Variants in FSD2 observed in about 807,000 individuals in gnomAD.
FSD2 encodes fibronectin type III and SPRY domain-containing protein 2.
A neutral mutation model predicts 80.4 loss-of-function variants in FSD2; 71 were observed. The observed-to-expected ratio is 0.88, with a 90% CI of 0.73 to 1.08. FSD2 has a LOEUF of 1.08. Ranked by LOEUF, FSD2 falls within the 50% of genes least tolerant of loss-of-function variation. The probability of loss-of-function intolerance (pLI) is 0.00; values close to 1 mark genes in which losing one functional copy is unlikely to be tolerated. For missense variants in FSD2, 923 were observed against 913.8 expected (o/e 1.01, Z -0.13); for synonymous variants, 361 against 329.5 (o/e 1.10, Z -1.03).
intron 1 of FSD2, among the ~76,000 whole-genome samples, chr15:82,793,107 T>C (rs1300291179): frequency 2.0e-5 from 3 of 152,188 alleles, no homozygotes; most frequent in Non-Finnish European, 4.4e-5. Context: ...CTTATTAATT[T>C]TTTTTTGAGA....
chr15:82,778,874 G>A lies in FSD2; in HGVS notation c.1003C>T (p.Leu335=). Residue 335 remains leucine, a synonymous_variant, in exon 6 of 13, where the codon CTG becomes TTG. Transcript: ENST00000334574. The stretch of plus-strand genomic sequence containing the variant: ...ATTTCCACGTCTGTTTTTGTTTTCA[G>A]GAATTTCCCGAGTCTGTTGGTATAA... ...VAMADRLGKF[L]KTKTDVEISA... The A allele has an allele frequency of 6.2e-7, 1 of 1,613,906 alleles. No individual in the cohort carries two copies. The highest frequency in any genetic ancestry group is 8.5e-7 in the Non-Finnish European group (1 of 1,179,870).
intron 1 of FSD2, among the ~76,000 whole-genome samples, chr15:82,794,519 T>G (rs1273164999): frequency 1.3e-5 from 2 of 152,182 alleles, no homozygotes; most frequent in Admixed American, 6.5e-5. Flanking sequence ...TATAGTATTA[T>G]TTAAGTCTTC....
At chr15:82,775,022 GT>G (rs1167991262) in intron 6 of FSD2, among the ~76,000 whole-genome samples, 1 of 151,526 alleles carries the variant, frequency 6.6e-6, no homozygotes, top group Admixed American at 6.6e-5. Flanking sequence ...GCCTGGCCTT[GT>G]TTCTAAATCT....
rs200138383 is a variant in FSD2 at position 82,772,146 on chromosome 15, G to A, written c.1194C>T (p.Ser398=). The change falls in exon 7 of 13, where the codon TCC becomes TCT. Residue 398 remains serine, a synonymous_variant. Coordinates refer to ENST00000334574, the MANE Select transcript of FSD2 (RefSeq NM_001007122.4). ...GCTGATAGCTCTCCACAGTGTCGTC[G>A]GAGTATAAGCTCCAGCACACTCGGA... ...SSVRVCWSLY[S]DDTVESYQLS... The A allele has an allele frequency of 1.1e-5, 17 of 1,611,126 alleles. No individual in the cohort carries two copies. The highest frequency in any genetic ancestry group is 6.7e-5 in the East Asian group (3 of 44,780).
chr15:82,778,127 CATAT>C (rs34527251), intron 6 of FSD2, among the ~76,000 whole-genome samples: 2,006 of 83,914 alleles, frequency 0.024, 121 homozygotes, highest in African/African-American at 0.1. Context: ...ACAAAAAAAC[CATAT>C]ATATATATAT....
intron 1 of FSD2, among the ~76,000 whole-genome samples, chr15:82,791,830 T>C (rs757770981): frequency 2.0e-5 from 3 of 152,240 alleles, no homozygotes; most frequent in Non-Finnish European, 4.4e-5. Flanking sequence ...CGGAATCTTA[T>C]AGTATGTGAT....
chr15:82,798,057 G>A (rs2050320976), intron 1 of FSD2, among the ~76,000 whole-genome samples: 1 of 152,058 alleles, frequency 6.6e-6, no homozygotes. Context: ...AAATATTACA[G>A]GTCAGGTACA....
At chr15:82,791,189 G>C (rs1162489980) in intron 1 of FSD2, among the ~76,000 whole-genome samples, 1 of 143,810 alleles carries the variant, frequency 7.0e-6, no homozygotes, top group Non-Finnish European at 1.5e-5. Flanking sequence ...TAGTAGAGAT[G>C]GGGTTTCACC....
At chr15:82,761,532 A>G (rs1724689068) in intron 12 of FSD2, among the ~76,000 whole-genome samples, 1 of 152,192 alleles carries the variant, frequency 6.6e-6, no homozygotes, top group Admixed American at 6.5e-5. Flanking sequence ...TGAAAAATCT[A>G]TCACTTAAGT....
At position 82,759,302 on chromosome 15, in the gene FSD2, CGA is replaced by C. The variant is rs781283860; in HGVS notation, c.*44_*45del. On this transcript the variant is annotated 3_prime_UTR_variant, in exon 13 of 13. Coordinates refer to ENST00000334574, the MANE Select transcript of FSD2 (RefSeq NM_001007122.4). ...CAGCCAGCTAAGGCGTGAGCAGCTG[CGA>C]GAGGGGTAGGCATGGAAGACAGGAA... 3.8e-6 allele frequency: 6 copies of C among 1,593,882 alleles called. No homozygotes were observed. The highest frequency in any genetic ancestry group is 2.7e-5 in the African/African-American group (2 of 74,442).
At chr15:82,790,422 T>C (rs2151526825) in intron 1 of FSD2, among the ~76,000 whole-genome samples, 1 of 152,304 alleles carries the variant, frequency 6.6e-6, no homozygotes, top group African/African-American at 2.4e-5. Flanking sequence ...ATTTTATTGC[T>C]CACACAGGTA....
intron 1 of FSD2, among the ~76,000 whole-genome samples, chr15:82,803,359 G>T (rs2050458166): frequency 6.6e-6 from 1 of 152,148 alleles, no homozygotes; most frequent in Admixed American, 6.5e-5. Context: ...TGCACATCGT[G>T]CATTCTGAGG....
intron 10 of FSD2, 100 bp from the exon 11 acceptor site, chr15:82,765,398 C>A: frequency 6.7e-7 from 1 of 1,497,270 alleles, no homozygotes; most frequent in Non-Finnish European, 9.1e-7. Flanking sequence ...TACACCTAAG[C>A]CTGGACCTGG....
chr15:82,800,405 C>T (rs2050380893), intron 1 of FSD2, among the ~76,000 whole-genome samples: 1 of 152,078 alleles, frequency 6.6e-6, no homozygotes, highest in African/African-American at 2.4e-5. Flanking sequence ...AAAAGCCCCT[C>T]AGTCGGCCCC....
intron 4 of FSD2, among the ~76,000 whole-genome samples, chr15:82,780,667 AATAG>A (rs1384449124): frequency 2.6e-5 from 4 of 151,782 alleles, no homozygotes; most frequent in Non-Finnish European, 4.4e-5. Context: ...TATTGTTATA[AATAG>A]ATAGATAGAT....
chr15:82,760,055 A>C (rs1331048255), intron 12 of FSD2, among the ~76,000 whole-genome samples: 4 of 152,186 alleles, frequency 2.6e-5, no homozygotes, highest in African/African-American at 7.2e-5. Flanking sequence ...TGGCCTCCCA[A>C]AGTGCTGGGA....
chr15:82,776,880 A>AGACAC (rs1262914550), intron 6 of FSD2, among the ~76,000 whole-genome samples: 1 of 152,362 alleles, frequency 6.6e-6, no homozygotes, highest in East Asian at 1.9e-4. Context: ...GCATAAGGAC[A>AGACAC]GACACATAGA....
chr15:82,786,531 C>T lies in FSD2; in HGVS notation c.715G>A (p.Glu239Lys), dbSNP rs768603880. 15 of 1,613,308 alleles carry T rather than the reference C, an allele frequency of 9.3e-6. No homozygotes were observed. The South Asian group carries it at 1.5e-4, about 17-fold the overall frequency. The change falls in exon 3 of 13, where the codon GAG becomes AAG. Residue 239 changes from glutamate (E) to lysine (K), a missense_variant. By Grantham distance (56) the Glu-to-Lys change is moderately conservative. Coordinates refer to ENST00000334574, the MANE Select transcript of FSD2 (RefSeq NM_001007122.4). Reference protein sequence around the residue: ...EMENFANHLEEVFITVEENFG... With the variant: ...EMENFANHLEKVFITVEENFG... ...CTTACCTCCACAGTGATGAAAACCT[C>T]CTCCAAATGATTTGCAAAGTTTTCC... is the stretch of plus-strand genomic sequence containing the variant.
chr15:82,805,390 A>C (rs902221394), intron 1 of FSD2, among the ~76,000 whole-genome samples: 2 of 152,208 alleles, frequency 1.3e-5, no homozygotes, highest in South Asian at 2.1e-4. Flanking sequence ...CCTGAGCCAC[A>C]GCAGTGAAAG....
Sources: gnomAD v4.1 joint callset for allele counts (sites outside exome capture counted in the v4.1 genomes callset) on GRCh38, gnomAD v4.1.1 for gene constraint, MANE v1.5 for transcripts, NCBI Gene and HGNC (gene_info 2026-07-23, HGNC 2026-07-21) for gene names.